PDHX: variants seen among roughly 807,000 people sequenced by gnomAD.
The protein encoded by PDHX is pyruvate dehydrogenase protein X component, mitochondrial.
PDHX carries 33 observed loss-of-function variants against 55.3 expected under a neutral mutation model. The ratio of observed to expected loss-of-function variants is 0.60; its 90% CI spans 0.45 to 0.80. The LOEUF (loss-of-function observed/expected upper bound fraction) is 0.80, where lower values mean the gene tolerates loss of function less well. PDHX is among the 30% of genes least tolerant of loss of function. The pLI is 0.00. For synonymous variants in PDHX, 226 were observed against 219.4 expected, an observed-to-expected ratio of 1.03 and a Z score of -0.27; for missense variants, 622 against 619.9, an observed-to-expected ratio of 1.00 and a Z score of -0.04.
intron 1 of PDHX, among the ~76,000 whole-genome samples, chr11:34,918,020 A>G (rs1308982287): frequency 6.6e-6 from 1 of 152,200 alleles, no homozygotes; most frequent in Non-Finnish European, 1.5e-5. Flanking sequence ...ATCATGGAAT[A>G]TTAAAAGTTT....
At chr11:34,966,258 T>A (rs762070097) in intron 5 of PDHX, among the ~76,000 whole-genome samples, 5 of 152,198 alleles carry the variant, frequency 3.3e-5, no homozygotes, top group Admixed American at 6.5e-5. Context: ...AACTTGACAC[T>A]TTTTGAATGC....
chr11:34,981,031 G>A (rs1026572903), intron 8 of PDHX, among the ~76,000 whole-genome samples: 1 of 151,732 alleles, frequency 6.6e-6, no homozygotes, highest in Non-Finnish European at 1.5e-5. Context: ...TAAGTTTTAG[G>A]GTACATGTGC....
At chr11:34,983,828 T>C (rs967727349) in intron 8 of PDHX, among the ~76,000 whole-genome samples, 3 of 152,178 alleles carry the variant, frequency 2.0e-5, no homozygotes, top group African/African-American at 7.2e-5. Flanking sequence ...AGAATCGATA[T>C]TGTGAAAATG....
At chr11:34,953,334 A>G (rs958520220) in intron 3 of PDHX, among the ~76,000 whole-genome samples, 34 of 152,216 alleles carry the variant, frequency 2.2e-4, no homozygotes, top group Non-Finnish European at 3.5e-4. Flanking sequence ...AGAATTGGAA[A>G]AAACTACTTT....
chr11:34,963,516 G>A (rs1855064068), intron 5 of PDHX, among the ~76,000 whole-genome samples: 1 of 152,142 alleles, frequency 6.6e-6, no homozygotes, highest in Admixed American at 6.5e-5. Flanking sequence ...TTGGCCTCAG[G>A]TGACCCTCCC....
Position 34,995,455 on chromosome 11 carries a change from T to A in PDHX, c.*283T>A, listed in dbSNP as rs1045492323. ...TGTATAAAGGGAATATTAAACTAGA[T>A]GTAAATCAAAGTATATGTTTGGCTC... On this transcript the variant is annotated 3_prime_UTR_variant, in exon 11 of 11. Coordinates refer to ENST00000227868, the MANE Select transcript of PDHX (RefSeq NM_003477.3). 2.6e-6 allele frequency: 1 copy of A among 389,476 alleles called. No individual in the cohort carries two copies. Among genetic ancestry groups the A allele is most frequent in the African/African-American group, 2.1e-5 (1 of 48,372 alleles). 24.1% of individuals were successfully genotyped at this position (389,476 alleles called of 1,614,324 possible). A position where few individuals can be genotyped will look rare whatever the true frequency, so the allele number is the denominator to read the frequency against.
intron 7 of PDHX, among the ~76,000 whole-genome samples, chr11:34,973,399 C>G (rs12805200): frequency 1.3e-5 from 2 of 151,872 alleles, no homozygotes; most frequent in African/African-American, 4.8e-5. Flanking sequence ...ATGTTTAGAC[C>G]GCTCACATTT....
chr11:34,985,081 G>A (rs557902101), intron 9 of PDHX, among the ~76,000 whole-genome samples: 97 of 152,116 alleles, frequency 6.4e-4, no homozygotes, highest in Non-Finnish European at 1.2e-3. Flanking sequence ...GTATTTCTAT[G>A]GACCTCAATA....
At chr11:34,980,852 T>A (rs1855494056) in intron 8 of PDHX, among the ~76,000 whole-genome samples, 1 of 152,140 alleles carries the variant, frequency 6.6e-6, no homozygotes, top group Non-Finnish European at 1.5e-5. Context: ...CCAGGAGGCC[T>A]GGATCTTTTT....
chr11:34,924,455 A>C (rs1245453796), intron 1 of PDHX, among the ~76,000 whole-genome samples: 1 of 152,096 alleles, frequency 6.6e-6, no homozygotes, highest in East Asian at 1.9e-4. Flanking sequence ...TTCTGACCTA[A>C]TGTGATCCAC....
At chr11:34,945,725 C>T (rs1042595161) in intron 2 of PDHX, among the ~76,000 whole-genome samples, 8 of 151,982 alleles carry the variant, frequency 5.3e-5, no homozygotes, top group African/African-American at 1.7e-4. Flanking sequence ...TAGTCTAATA[C>T]TCTTTTTTCT....
intron 7 of PDHX, among the ~76,000 whole-genome samples, chr11:34,971,534 A>G (rs146208302): frequency 1.9e-4 from 29 of 152,294 alleles, no homozygotes; most frequent in African/African-American, 6.0e-4. Context: ...CTTTTTGTGC[A>G]TCTTTTCAGA....
rs1169739779 is a variant in PDHX, at chr11:34,931,597, T to C, written c.241+113T>C. On this transcript the variant is annotated intron_variant, in intron 2 of 10. Transcript: ENST00000227868. ...CAGTATGTGATATAAATTAAATAAA[T>C]TGTGTTCCTTTGGTAGTTAATGTAA... 6.0e-6 allele frequency: 4 copies of C among 672,258 alleles called. No individual in the cohort carries two copies. In the East Asian group the frequency reaches 8.4e-5, roughly 14 times the overall value. 41.6% of individuals were successfully genotyped at this position (672,258 alleles called of 1,614,324 possible).
intron 10 of PDHX, among the ~76,000 whole-genome samples, chr11:34,994,103 T>A (rs1855811630): frequency 6.6e-6 from 1 of 152,220 alleles, no homozygotes; most frequent in Non-Finnish European, 1.5e-5. Flanking sequence ...GTTAGGCAGT[T>A]TCATCATGCA....
Position 34,944,150 on chromosome 11 carries a change from GC to G in PDHX, c.242-3355del, listed in dbSNP as rs528292771. 2.9e-3 allele frequency among the ~76,000 whole-genome samples: 437 copies of G among 151,054 alleles called. 2 individuals are homozygous for G. Among genetic ancestry groups the G allele is most frequent in the African/African-American group, 0.01 (423 of 41,182 alleles). ...TTATTATTTTTTAGACAGAGTTTTT[GC>G]TCTTGTTGCCCAGGCTGGAGTGAAA... On this transcript the variant is annotated intron_variant, in intron 2 of 10. Coordinates refer to ENST00000227868, the MANE Select transcript of PDHX (RefSeq NM_003477.3).
intron 1 of PDHX, among the ~76,000 whole-genome samples, chr11:34,920,091 G>C (rs970596952): frequency 6.6e-6 from 1 of 152,160 alleles, no homozygotes; most frequent in Non-Finnish European, 1.5e-5. Flanking sequence ...ACAGGCTGAA[G>C]GAACAGCAGA....
chr11:34,985,762 A>G (rs1206961612), intron 9 of PDHX, among the ~76,000 whole-genome samples: 1 of 152,242 alleles, frequency 6.6e-6, no homozygotes, highest in Non-Finnish European at 1.5e-5. Flanking sequence ...TAAGGGAGAT[A>G]TGAGGTAGAA....
At chr11:34,935,213 C>G (rs1421393385) in intron 2 of PDHX, among the ~76,000 whole-genome samples, 1 of 151,708 alleles carries the variant, frequency 6.6e-6, no homozygotes, top group African/African-American at 2.4e-5. Flanking sequence ...GTGCATAGTG[C>G]TTTCAGGATA....
At chr11:34,974,320 T>C (rs1041581062) in intron 7 of PDHX, among the ~76,000 whole-genome samples, 7 of 152,208 alleles carry the variant, frequency 4.6e-5, no homozygotes, top group African/African-American at 1.7e-4. Flanking sequence ...TCAGGGTTCA[T>C]GCATGTTGCA....
Sources: gnomAD v4.1 joint callset for allele counts (sites outside exome capture counted in the v4.1 genomes callset) on GRCh38, gnomAD v4.1.1 for gene constraint, MANE v1.5 for transcripts, NCBI Gene and HGNC (gene_info 2026-07-23, HGNC 2026-07-21) for gene names.